IGSF22: variants seen among roughly 807,000 people sequenced by gnomAD.
The protein encoded by IGSF22 is immunoglobulin superfamily member 22, also known as immunoglobulin superfamily, member 22.
Under a neutral mutation model 127.0 loss-of-function variants are expected in IGSF22, and 119 were observed. The ratio of observed to expected loss-of-function variants is 0.94; its 90% CI spans 0.81 to 1.09. The LOEUF is 1.09. Among genes scored for constraint, IGSF22 ranks in the 50% least tolerant of loss-of-function variants. The pLI, the probability that IGSF22 is intolerant of heterozygous loss-of-function variation, is 0.00. For missense variants in IGSF22, 1,518 were observed against 1,716.6 expected (o/e 0.88, Z 2.04); for synonymous variants, 568 against 664.7 (o/e 0.85, Z 2.24).
At chr11:18,717,793 G>A (rs1227223317) in intron 9 of IGSF22, 138 bp downstream of exon 9, 7 of 880,100 alleles carry the variant, frequency 8.0e-6, no homozygotes, top group Non-Finnish European at 1.1e-5. Flanking sequence ...TCCCTCCATT[G>A]ACTCCCATCC....
intron 9 of IGSF22, 132 bp from the exon 10 acceptor site, chr11:18,717,132 G>T: frequency 1.1e-6 from 1 of 944,762 alleles, no homozygotes; most frequent in Non-Finnish European, 1.6e-6. Flanking sequence ...CTTTGGTTTT[G>T]TTTTCGAGCC....
chr11:18,720,498 A>G (rs1295568939), intron 4 of IGSF22, among the ~76,000 whole-genome samples: 1 of 152,142 alleles, frequency 6.6e-6, no homozygotes, highest in Non-Finnish European at 1.5e-5. Flanking sequence ...CCATAGCAAT[A>G]AAACTGTCTG....
Position 18,711,420 on chromosome 11 carries a change from C to T in IGSF22, c.2399-592G>A, listed in dbSNP as rs559715010. 5.3e-5 allele frequency among the ~76,000 whole-genome samples: 8 copies of T among 152,208 alleles called. No homozygotes were observed. In the South Asian group the frequency reaches 6.2e-4, roughly 12 times the overall value. On this transcript the variant is annotated intron_variant, in intron 15 of 22. Coordinates refer to ENST00000513874, the MANE Select transcript of IGSF22 (RefSeq NM_173588.4). ...AATAATAATATTATTATTTTTGAGA[C>T]GAAGTCTCACTCTATTGCCCAGGCT...
chr11:18,718,169 C>T, intron 8 of IGSF22, 76 bp from the exon 9 acceptor site: 1 of 1,410,816 alleles, frequency 7.1e-7, no homozygotes, highest in Non-Finnish European at 9.8e-7. Context: ...TTCCCCAGCG[C>T]CAGCCTAAGC....
intron 2 of IGSF22, among the ~76,000 whole-genome samples, chr11:18,723,400 C>T (rs1848604252): frequency 6.6e-6 from 1 of 152,204 alleles, no homozygotes; most frequent in South Asian, 2.1e-4. Context: ...GCCTCACTGG[C>T]CAGGAGGTGT....
intron 1 of IGSF22, 41 bp from the exon 2 acceptor site, chr11:18,724,310 T>A: frequency 9.8e-7 from 1 of 1,021,358 alleles, no homozygotes; most frequent in Non-Finnish European, 1.5e-6. Context: ...AGACAGGGAG[T>A]AGGAGGGAGA....
rs142049851 is a variant in IGSF22, at chr11:18,715,657, C to T, written c.1306G>A (p.Ala436Thr). Residue 436 changes from alanine (A) to threonine (T), a missense_variant, in exon 11 of 23, where the codon GCA becomes ACA. Around this residue, in one of 3 missense-constraint regions of IGSF22, gnomAD observed 1,456 missense variants for 1,644.9 expected, o/e 0.89. Coordinates refer to ENST00000513874, the MANE Select transcript of IGSF22 (RefSeq NM_173588.4). ...KNVRVKERSR[A>T]CLECELTSKD... is the part of the protein sequence containing the mutation. ...GATGTCAGCTCACACTCCAGGCATG[C>T]GCGACTCCTCTCTTTCACACGTACA... 16 of 1,613,820 alleles carry T rather than the reference C, an allele frequency of 9.9e-6. No homozygotes were observed. In the East Asian group the frequency reaches 1.6e-4, roughly 16 times the overall value.
Position 18,724,171 on chromosome 11 carries a change from G to A in IGSF22, c.66C>T (p.Thr22=), listed in dbSNP as rs982027534. 4.3e-6 allele frequency: 7 copies of A among 1,613,876 alleles called. No homozygotes were observed. In the African/African-American group the frequency reaches 9.3e-5, roughly 22 times the overall value. ...TCTGGGAGAAGGTCTGCACGTGGGT[G>A]GTGGAGCTGGAGAACTCCATGGACA... is the stretch of plus-strand genomic sequence containing the variant. ...EHVSMEFSSS[T]THVQTFSQTT... Residue 22 remains threonine (T), a synonymous_variant, in exon 2 of 23, where the codon ACC becomes ACT. Coordinates refer to ENST00000513874, the MANE Select transcript of IGSF22 (RefSeq NM_173588.4).
chr11:18,715,455 C>T lies in IGSF22; in HGVS notation c.1508G>A (p.Ser503Asn), dbSNP rs3887899. ...MQDGDPTEYY[S>N]TAIVTVEERL... ...ACCCTCCACAGTGACGATGGCAGTA[C>T]TGTAGTATTCAGTAGGGTCTCCATC... Residue 503 changes from serine (S) to asparagine (N), a missense_variant, in exon 11 of 23, where the codon AGT becomes AAT. Ser to Asn is a conservative substitution (Grantham distance 46). Around this residue, in one of 3 missense-constraint regions of IGSF22, gnomAD observed 1,456 missense variants for 1,644.9 expected, o/e 0.89. Transcript: ENST00000513874. The T allele has an allele frequency of 8.1e-6, 13 of 1,612,868 alleles. No homozygotes were observed. In the South Asian group the frequency reaches 1.4e-4, roughly 18 times the overall value.
At position 18,710,805 on chromosome 11, in the gene IGSF22, G is replaced by T; in HGVS notation, c.2422C>A (p.Pro808Thr). 1 of 1,613,488 alleles carries T rather than the reference G, an allele frequency of 6.2e-7. No individual in the cohort carries two copies. The highest frequency in any genetic ancestry group is 8.5e-7 in the Non-Finnish European group (1 of 1,179,392). ...PIEPPGFASQ[P>T]QVTDVTKEAV... ...TCTTTAGTCACATCAGTCACTTGAG[G>T]CTGGGAGGCAAAACCAGGAGGCTCT... Residue 808 changes from proline (P) to threonine (T), a missense_variant, in exon 16 of 23, where the codon CCT (proline) becomes ACT (threonine). By Grantham distance (38) the Pro-to-Thr change is conservative. This residue lies in a region of IGSF22 where 1,456 missense variants were observed against 1,644.9 expected (regional missense o/e 0.89). Coordinates refer to ENST00000513874, the MANE Select transcript of IGSF22 (RefSeq NM_173588.4).
rs760515253 is a variant in IGSF22, at chr11:18,721,577, G to A, written c.336C>T (p.Ala112=). 23 of 1,614,146 alleles carry A rather than the reference G, an allele frequency of 1.4e-5. No homozygotes were observed. The highest frequency in any genetic ancestry group is 1.9e-5 in the Non-Finnish European group (22 of 1,180,056). ...RESGIPIKES[A]KIFYDSINKE... ...TGTTAATGCTGTCGTAGAATATCTT[G>A]GCGGACTCCTTGATGGGGATGCCGC... Residue 112 remains alanine (A), a synonymous_variant, in exon 4 of 23, where the codon GCC becomes GCT. Transcript: ENST00000513874.
chr11:18,718,059 C>G lies in IGSF22; in HGVS notation c.845G>C (p.Gly282Ala). The change falls in exon 9 of 23, where the codon GGC becomes GCC. Residue 282 changes from glycine (G) to alanine (A), a missense_variant. By Grantham distance (60) the Gly-to-Ala change is moderately conservative. This residue lies in a region of IGSF22 where 1,456 missense variants were observed against 1,644.9 expected (regional missense o/e 0.89). Coordinates refer to ENST00000513874, the MANE Select transcript of IGSF22 (RefSeq NM_173588.4). The stretch of plus-strand genomic sequence containing the variant: ...GCCCATCTGCTTCACATCGTACTTG[C>G]CCAGGGAGTACTGGATCCTCAGTGG... ...TEPLRIQYSLGKYDVKQMGTK... is the reference protein window; with the variant it reads ...TEPLRIQYSLAKYDVKQMGTK... 4 of 1,614,146 alleles carry G rather than the reference C, an allele frequency of 2.5e-6. No individual in the cohort carries two copies. The highest frequency in any genetic ancestry group is 3.4e-6 in the Non-Finnish European group (4 of 1,180,008).
At chr11:18,714,473 C>A (rs200138126) in intron 12 of IGSF22, 27 bp downstream of exon 12, 1 of 1,614,084 alleles carries the variant, frequency 6.2e-7, no homozygotes, top group African/African-American at 1.3e-5. Flanking sequence ...ACCTCCTTCA[C>A]CCCCTTCCCT....
In IGSF22 at chr11:18,704,610, TC is replaced by T. The variant is rs1848186967; in HGVS notation, c.3911-73del. The stretch of plus-strand genomic sequence containing the variant: ...CAGGGAAATTCCAAACTGCTGGACT[TC>T]CTATGCAGGAAACCAGGAGCTGGAC... On this transcript the variant is annotated intron_variant, in intron 22 of 22. Coordinates refer to ENST00000513874, the MANE Select transcript of IGSF22 (RefSeq NM_173588.4). 3 of 978,006 alleles carry T rather than the reference TC, an allele frequency of 3.1e-6. No homozygotes were observed. The East Asian group carries it at 7.8e-5, about 26-fold the overall frequency. 60.6% of individuals were successfully genotyped at this position (978,006 alleles called of 1,614,324 possible).
chr11:18,720,903 C>T (rs1385427680), intron 4 of IGSF22, among the ~76,000 whole-genome samples: 1 of 152,164 alleles, frequency 6.6e-6, no homozygotes, highest in African/African-American at 2.4e-5. Context: ...AGGCTCTTTG[C>T]CTTTCACAAC....
intron 11 of IGSF22, among the ~76,000 whole-genome samples, chr11:18,714,953 A>G (rs1045337287): frequency 6.6e-6 from 1 of 151,920 alleles, no homozygotes; most frequent in Admixed American, 6.5e-5. Context: ...AGAGGGAAAT[A>G]GATGGTGAAG....
intron 7 of IGSF22, 57 bp downstream of exon 7, chr11:18,719,659 C>G: frequency 6.4e-7 from 1 of 1,564,280 alleles, no homozygotes; most frequent in Non-Finnish European, 8.7e-7. Flanking sequence ...GGCACTAGCA[C>G]TTTGGGTGAA....
At chr11:18,710,899 T>C in intron 15 of IGSF22, 71 bp from the exon 16 acceptor site, 1 of 1,357,880 alleles carries the variant, frequency 7.4e-7, no homozygotes, top group East Asian at 2.3e-5. Flanking sequence ...TCATGCTGAC[T>C]TCTGCCTCGC....
chr11:18,704,984 T>C (rs1848194665), intron 22 of IGSF22, among the ~76,000 whole-genome samples: 1 of 152,164 alleles, frequency 6.6e-6, no homozygotes, highest in Non-Finnish European at 1.5e-5. Flanking sequence ...AGATATTGTC[T>C]CAGTGCCAGA....
Sources: allele counts gnomAD v4.1 joint callset (sites outside exome capture counted in the v4.1 genomes callset), GRCh38; gene constraint gnomAD v4.1.1; regional missense constraint gnomAD v4.1.1; transcripts MANE v1.5; gene names NCBI Gene and HGNC (gene_info 2026-07-23, HGNC 2026-07-21).